The following SKOR2 variants were observed in gnomAD, a reference collection of about 807,000 sequenced individuals.
SKOR2 encodes SKI family transcriptional corepressor 2.
A neutral mutation model predicts 69.1 loss-of-function variants in SKOR2; 47 were observed. The observed-to-expected ratio is 0.68, with a 90% CI of 0.54 to 0.87. The LOEUF is 0.87. Ranked by LOEUF, SKOR2 falls within the 40% of genes least tolerant of loss-of-function variation. The pLI, the probability that SKOR2 is intolerant of heterozygous loss-of-function variation, is 0.00. For synonymous variants in SKOR2, 717 were observed against 672.6 expected (o/e 1.07, Z -1.02); for missense variants, 1,404 against 1,472.2 (o/e 0.95, Z 0.76).
chr18:47,251,069 C>A (rs1334832671), intron 1 of SKOR2, among the ~76,000 whole-genome samples: 1 of 151,472 alleles, frequency 6.6e-6, no homozygotes, highest in Admixed American at 6.6e-5. Context: ...CCAAGCCCTC[C>A]CAGAAACTGC....
At chr18:47,234,953 A>G (rs903220961) in intron 4 of SKOR2, among the ~76,000 whole-genome samples, 4 of 151,878 alleles carry the variant, frequency 2.6e-5, no homozygotes, top group Non-Finnish European at 5.9e-5. Flanking sequence ...GAAGAAGCAT[A>G]TTTCTTGGAA....
In SKOR2 at chr18:47,212,977, C is replaced by A. The variant is rs1228301330; in HGVS notation, c.2986-826G>T. Among the ~76,000 whole-genome samples the A allele has an allele frequency of 2.0e-5, 3 of 152,046 alleles. No individual in the cohort carries two copies. The East Asian group carries it at 5.8e-4, about 29-fold the overall frequency. On this transcript the variant is annotated intron_variant, in intron 7 of 8. Coordinates refer to ENST00000425639, the MANE Select transcript of SKOR2 (RefSeq NM_001278063.4). ...AGACCCCTTCTCTCTCTTACACACACAAAGAAGCATCAGAAATAACTGCAC... is the reference window on the plus strand; with the variant it reads ...AGACCCCTTCTCTCTCTTACACACAAAAAGAAGCATCAGAAATAACTGCAC...
intron 6 of SKOR2, among the ~76,000 whole-genome samples, chr18:47,224,040 G>A (rs887341521): frequency 1.3e-5 from 2 of 151,780 alleles, no homozygotes; most frequent in Non-Finnish European, 2.9e-5. Context: ...CGAGTAGCTG[G>A]GGTTACAGGC....
chr18:47,225,032 T>C (rs1379723447), intron 6 of SKOR2, among the ~76,000 whole-genome samples: 1 of 151,878 alleles, frequency 6.6e-6, no homozygotes, highest in African/African-American at 2.4e-5. Flanking sequence ...TCTCCCAGAG[T>C]ATGCTACAAA....
intron 6 of SKOR2, among the ~76,000 whole-genome samples, chr18:47,222,789 C>G (rs188234927): frequency 6.6e-6 from 1 of 152,284 alleles, no homozygotes; most frequent in Admixed American, 6.5e-5. Context: ...ACAGAAGATT[C>G]TAATTTTAGA....
intron 4 of SKOR2, chr18:47,231,261 C>T: frequency 8.2e-7 from 1 of 1,219,832 alleles, no homozygotes. Flanking sequence ...TATTCCCTCT[C>T]CAACCCCCTA....
intron 8 of SKOR2, among the ~76,000 whole-genome samples, chr18:47,210,991 G>T (rs1465542100): frequency 6.6e-6 from 1 of 152,114 alleles, no homozygotes; most frequent in East Asian, 1.9e-4. Context: ...TTTGTAAAGG[G>T]TTTTAAGCAC....
intron 4 of SKOR2, among the ~76,000 whole-genome samples, chr18:47,237,664 ATTCT>A (rs2064230048): frequency 6.6e-6 from 1 of 150,862 alleles, no homozygotes; most frequent in Admixed American, 6.6e-5. Flanking sequence ...ATGGAAATAC[ATTCT>A]TTCTCCTCCC....
At chr18:47,235,693 T>C (rs2064219244) in intron 4 of SKOR2, among the ~76,000 whole-genome samples, 1 of 142,904 alleles carries the variant, frequency 7.0e-6, no homozygotes, top group African/African-American at 2.7e-5. Context: ...ATGAGAAAGA[T>C]GGGTGAGAGA....
At chr18:47,221,485 C>G (rs1310651101) in intron 6 of SKOR2, among the ~76,000 whole-genome samples, 1 of 152,178 alleles carries the variant, frequency 6.6e-6, no homozygotes, top group East Asian at 1.9e-4. Flanking sequence ...TCCCCTGCAC[C>G]ACACCAGCCA....
intron 5 of SKOR2, among the ~76,000 whole-genome samples, 167 bp from the exon 6 acceptor site, chr18:47,230,724 G>A (rs2064194494): frequency 6.6e-6 from 1 of 152,106 alleles, no homozygotes; most frequent in African/African-American, 2.4e-5. Context: ...ATAAATCAAT[G>A]TAATATATTA....
At chr18:47,212,010 C>T in intron 8 of SKOR2, 76 bp downstream of exon 8, 4 of 1,207,226 alleles carry the variant, frequency 3.3e-6, no homozygotes, top group Non-Finnish European at 4.1e-6. Flanking sequence ...CTATTTCAAA[C>T]ACATCAATAA....
intron 8 of SKOR2, among the ~76,000 whole-genome samples, chr18:47,211,019 AATT>A (rs111530235): frequency 0.05 from 7,560 of 152,250 alleles, 202 homozygotes; most frequent in Non-Finnish European, 0.059. Context: ...AATGTAACAT[AATT>A]ATTATTATTT....
intron 4 of SKOR2, among the ~76,000 whole-genome samples, chr18:47,241,374 C>A (rs1009166154): frequency 6.6e-6 from 1 of 152,194 alleles, no homozygotes; most frequent in African/African-American, 2.4e-5. Flanking sequence ...ATCTGAATTT[C>A]TGACACTTTG....
In SKOR2 at chr18:47,248,859, G is replaced by T. The variant is rs1328277027; in HGVS notation, c.325C>A (p.Pro109Thr). 6.4e-7 allele frequency: 1 copy of T among 1,564,614 alleles called. No individual in the cohort carries two copies. The highest frequency in any genetic ancestry group is 1.2e-5 in the South Asian group (1 of 86,240). The change falls in exon 2 of 9, where the codon CCC becomes ACC. Residue 109 changes from proline to threonine, a missense_variant. By Grantham distance (38) the Pro-to-Thr change is conservative. Transcript: ENST00000425639. This position sits in a 1 kb window ranked among gnomAD's most constrained non-coding sequence, Gnocchi z 6.4. ...LEILRRAGAM[P>T]ISSRRCGMIT... ...ATGCCGCAGCGGCGCGATGAGATGG[G>T]CATGGCCCCGGCACGCCGCAGGATC...
rs2064274155 is a variant in SKOR2, at chr18:47,246,571, A to T, written c.2613T>A (p.Asp871Glu). The T allele has an allele frequency of 1.3e-6, 2 of 1,514,596 alleles. No individual in the cohort carries two copies. Among genetic ancestry groups the T allele is most frequent in the Non-Finnish European group, 1.8e-6 (2 of 1,138,718 alleles). 93.8% of individuals were successfully genotyped at this position (1,514,596 alleles called of 1,614,324 possible). The change falls in exon 2 of 9, where the codon GAT (aspartate) becomes GAA (glutamate). Residue 871 changes from aspartate to glutamate, a missense_variant and splice_region_variant. Asp to Glu is a conservative substitution (Grantham distance 45). This residue lies in a region of SKOR2 where 1,266 missense variants were observed against 1,309.9 expected (regional missense o/e 0.97). Coordinates refer to ENST00000425639, the MANE Select transcript of SKOR2 (RefSeq NM_001278063.4). Reference sequence around the variant, plus strand: ...GAAGGAGCCTAAAGGGGATATTTACATCTTTGTAGGAGGGCTGCTCCTCCA... The same window carrying T: ...GAAGGAGCCTAAAGGGGATATTTACTTCTTTGTAGGAGGGCTGCTCCTCCA... ...PSLEEQPSYKDSQKTKENNQV... is the reference protein window; with the variant it reads ...PSLEEQPSYKESQKTKENNQV...
chr18:47,247,286 GCGT>G lies in SKOR2; in HGVS notation c.1895_1897del (p.Asp632del). On this transcript the variant is annotated inframe_deletion, in exon 2 of 9. Transcript: ENST00000425639. The surrounding 1 kb of genome is among the most constrained non-coding windows in gnomAD (Gnocchi z 6.6). ...CCCGTGCAGCTTGGCCAGGCTCTCC[GCGT>G]CGTCCTTGCCGCCCACTGGCCGGAA... is the stretch of plus-strand genomic sequence containing the variant. 1 of 1,482,600 alleles carries G rather than the reference GCGT, an allele frequency of 6.7e-7. No individual in the cohort carries two copies. Among genetic ancestry groups the G allele is most frequent in the Non-Finnish European group, 8.9e-7 (1 of 1,122,390 alleles). The allele number at this position is 1,482,600 out of a possible 1,614,324, so 91.8% of individuals were successfully genotyped here.
chr18:47,211,472 A>T (rs1422212459), intron 8 of SKOR2, among the ~76,000 whole-genome samples: 1 of 152,222 alleles, frequency 6.6e-6, no homozygotes, highest in African/African-American at 2.4e-5. Context: ...TGTTCTGAAT[A>T]TAGCCATTGA....
chr18:47,250,673 C>A (rs1005094870), intron 1 of SKOR2, among the ~76,000 whole-genome samples: 7 of 152,192 alleles, frequency 4.6e-5, no homozygotes, highest in African/African-American at 1.7e-4. Context: ...TCCTGCTGCC[C>A]CCTGGATCCT....
Sources: allele counts gnomAD v4.1 joint callset (sites outside exome capture counted in the v4.1 genomes callset), GRCh38; gene constraint gnomAD v4.1.1; regional missense constraint gnomAD v4.1.1; non-coding constraint Gnocchi (gnomAD v3.1); transcripts MANE v1.5; gene names NCBI Gene and HGNC (gene_info 2026-07-23, HGNC 2026-07-21).